The following NCAM2 variants were observed in gnomAD, a reference collection of about 807,000 sequenced individuals.
The protein encoded by NCAM2 is neural cell adhesion molecule 2.
In NCAM2, 30 loss-of-function variants were observed where a neutral mutation model predicts 98.1. That is an observed-to-expected ratio of 0.31 (90% CI 0.23 to 0.41). NCAM2 has a LOEUF of 0.41. Ranked by LOEUF, NCAM2 falls within the 10% of genes least tolerant of loss-of-function variation. The pLI is 1.00. For synonymous variants in NCAM2, 368 were observed against 342.4 expected (o/e 1.07, Z -0.83); for missense variants, 867 against 1,005.8 (o/e 0.86, Z 1.87).
chr21:21,282,714 A>T (rs2072971177), intron 2 of NCAM2, among the ~76,000 whole-genome samples: 2 of 151,788 alleles, frequency 1.3e-5, no homozygotes, highest in Admixed American at 1.3e-4. Flanking sequence ...GTCATACAGA[A>T]AATTGTTATA....
chr21:21,283,561 T>C (rs1043880071), intron 2 of NCAM2, among the ~76,000 whole-genome samples: 1 of 151,898 alleles, frequency 6.6e-6, no homozygotes, highest in African/African-American at 2.4e-5. Context: ...GTTAACAGTT[T>C]TAGATTAAAA....
intron 12 of NCAM2, among the ~76,000 whole-genome samples, chr21:21,433,378 T>TA (rs929907609): frequency 4.6e-5 from 7 of 151,862 alleles, no homozygotes; most frequent in African/African-American, 1.2e-4. Context: ...AGTTTTTTTT[T>TA]AAAAAATTAT....
chr21:21,434,232 A>T (rs989929163), intron 12 of NCAM2, among the ~76,000 whole-genome samples: 1 of 152,244 alleles, frequency 6.6e-6, no homozygotes, highest in Non-Finnish European at 1.5e-5. Context: ...ATATAAGTAC[A>T]TACTTTACCT....
intron 5 of NCAM2, among the ~76,000 whole-genome samples, chr21:21,319,124 AAAAC>A (rs1283232864): frequency 2.0e-5 from 3 of 152,234 alleles, no homozygotes; most frequent in South Asian, 2.1e-4. Context: ...ATCAAAAAGA[AAAAC>A]AAACAAAAAA....
chr21:21,411,041 T>C (rs1220256130), intron 10 of NCAM2, among the ~76,000 whole-genome samples: 2 of 73,916 alleles, frequency 2.7e-5, no homozygotes, highest in African/African-American at 9.9e-5. Context: ...TACACACATA[T>C]ATATATGTGT....
At chr21:21,084,736 C>T (rs1450295249) in intron 1 of NCAM2, among the ~76,000 whole-genome samples, 2 of 151,948 alleles carry the variant, frequency 1.3e-5, no homozygotes, top group Non-Finnish European at 2.9e-5. Flanking sequence ...TTATTTTTTC[C>T]CCTCAAGTCT....
intron 1 of NCAM2, among the ~76,000 whole-genome samples, chr21:21,012,889 C>G (rs548020298): frequency 6.6e-6 from 1 of 152,232 alleles, no homozygotes; most frequent in African/African-American, 2.4e-5. Context: ...GTTGATGTTA[C>G]AATTGTAATT....
intron 1 of NCAM2, among the ~76,000 whole-genome samples, chr21:21,159,507 C>T (rs1315160337): frequency 6.6e-6 from 1 of 152,034 alleles, no homozygotes; most frequent in East Asian, 1.9e-4. Context: ...TTTTGTTGGA[C>T]CTTTTGTATG....
intron 16 of NCAM2, among the ~76,000 whole-genome samples, chr21:21,518,901 T>C (rs1457287697): frequency 2.0e-5 from 3 of 152,108 alleles, no homozygotes; most frequent in Non-Finnish European, 2.9e-5. Context: ...ACTAAATGAA[T>C]GAAAGGCAGG....
chr21:21,037,851 A>C (rs754081570), intron 1 of NCAM2, among the ~76,000 whole-genome samples: 17 of 152,212 alleles, frequency 1.1e-4, no homozygotes, highest in Admixed American at 2.0e-4. Context: ...AAATTGGAAC[A>C]TACATGGAAG....
chr21:21,237,098 A>G (rs890365431), intron 1 of NCAM2, among the ~76,000 whole-genome samples: 7 of 152,132 alleles, frequency 4.6e-5, no homozygotes, highest in Non-Finnish European at 1.0e-4. Context: ...TTGATATTTA[A>G]TCCTATTTCT....
chr21:21,410,138 G>GAAA, intron 9 of NCAM2, 136 bp from the exon 10 acceptor site: 1 of 453,506 alleles, frequency 2.2e-6, no homozygotes. Flanking sequence ...GTCTCAAAAA[G>GAAA]AAAAAAAAAA....
chr21:21,459,160 C>T (rs969904293), intron 12 of NCAM2, among the ~76,000 whole-genome samples: 6 of 151,278 alleles, frequency 4.0e-5, no homozygotes, highest in African/African-American at 1.5e-4. Flanking sequence ...CAACTCACAC[C>T]TGTTGGGATG....
rs1990167770 is a variant in NCAM2, at chr21:21,540,029, CT to C, written c.*2073del. ...GTCCATGAAGCAATAGCCATGAATG[CT>C]AATTATTTCTAAATAGGGCCACATG... On this transcript the variant is annotated 3_prime_UTR_variant, in exon 18 of 18. Transcript: ENST00000400546. 6.6e-6 allele frequency: 1 copy of C among 151,986 alleles called. No individual in the cohort carries two copies. Among genetic ancestry groups the C allele is most frequent in the Non-Finnish European group, 1.5e-5 (1 of 67,998 alleles). 9.4% of individuals were successfully genotyped at this position (151,986 alleles called of 1,614,324 possible).
intron 9 of NCAM2, among the ~76,000 whole-genome samples, chr21:21,389,250 G>A (rs115653428): frequency 0.014 from 2,070 of 152,260 alleles, 61 homozygotes; most frequent in African/African-American, 0.047. Context: ...GAGAGTGTGT[G>A]CACGGGAATT....
intron 1 of NCAM2, among the ~76,000 whole-genome samples, chr21:21,169,165 G>C (rs1056659633): frequency 2.6e-5 from 4 of 152,002 alleles, no homozygotes; most frequent in Non-Finnish European, 4.4e-5. Context: ...TTTGATAAAG[G>C]AGCAAAGGTA....
At chr21:21,386,616 T>C (rs1310146121) in intron 9 of NCAM2, among the ~76,000 whole-genome samples, 1 of 152,170 alleles carries the variant, frequency 6.6e-6, no homozygotes, top group African/African-American at 2.4e-5. Flanking sequence ...AAACTTTATG[T>C]GAGCCCCCTG....
rs909334410 is a variant in NCAM2, at chr21:21,329,777, C to A, written c.737+5277C>A. On this transcript the variant is annotated intron_variant, in intron 6 of 17. Coordinates refer to ENST00000400546, the MANE Select transcript of NCAM2 (RefSeq NM_004540.5). ...TTTCTGGAAAAATTGCCAGTGAAAC[C>A]ATCCATGTCATAATTTTTCTTAAGT... 2.6e-5 allele frequency among the ~76,000 whole-genome samples: 4 copies of A among 151,902 alleles called. No individual in the cohort carries two copies. In the South Asian group the frequency reaches 8.3e-4, roughly 32 times the overall value.
intron 9 of NCAM2, among the ~76,000 whole-genome samples, chr21:21,389,952 C>T (rs376933475): frequency 1.3e-5 from 2 of 152,146 alleles, no homozygotes; most frequent in African/African-American, 4.8e-5. Flanking sequence ...CCGGTTCAAG[C>T]TATTCTCCTG....
Sources: allele counts gnomAD v4.1 joint callset (sites outside exome capture counted in the v4.1 genomes callset), GRCh38; gene constraint gnomAD v4.1.1; transcripts MANE v1.5; gene names NCBI Gene and HGNC (gene_info 2026-07-23, HGNC 2026-07-21).